The following SEMA6D variants were observed in gnomAD, a reference collection of about 807,000 sequenced individuals.
The protein encoded by SEMA6D is semaphorin-6D.
In SEMA6D, 35 loss-of-function variants were observed where a neutral mutation model predicts 106.6. The observed-to-expected ratio is 0.33, with a 90% confidence interval of 0.25 to 0.44. SEMA6D has a LOEUF of 0.44. Ranked by LOEUF, SEMA6D falls within the 20% of genes least tolerant of loss-of-function variation. The probability of loss-of-function intolerance (pLI) is 1.00; values close to 1 mark genes in which losing one functional copy is unlikely to be tolerated. For missense variants in SEMA6D, 1,185 were observed against 1,345.9 expected (o/e 0.88, Z 1.87); for synonymous variants, 499 against 487.7 (o/e 1.02, Z -0.31).
intron 2 of SEMA6D, among the ~76,000 whole-genome samples, chr15:47,466,647 TTAA>T (rs1484585308): frequency 1.3e-5 from 2 of 152,096 alleles, no homozygotes; most frequent in Non-Finnish European, 2.9e-5. Context: ...TAATGTATCA[TTAA>T]TAATTTCATT....
At chr15:47,580,163 C>A (rs1254703302) in intron 3 of SEMA6D, among the ~76,000 whole-genome samples, 1 of 152,200 alleles carries the variant, frequency 6.6e-6, no homozygotes, top group African/African-American at 2.4e-5. Flanking sequence ...CTGAGACACA[C>A]TTATATGGAG....
At chr15:47,441,841 A>G (rs2041893239) in intron 2 of SEMA6D, among the ~76,000 whole-genome samples, 1 of 152,094 alleles carries the variant, frequency 6.6e-6, no homozygotes, top group African/African-American at 2.4e-5. Flanking sequence ...TATTTGGGTC[A>G]GGATGGATGG....
rs1296181813 is a variant in SEMA6D at position 47,474,646 on chromosome 15, G to A, written c.-87+4101G>A. 3.9e-5 allele frequency among the ~76,000 whole-genome samples: 6 copies of A among 152,168 alleles called. No individual in the cohort carries two copies. The East Asian group carries it at 1.2e-3, about 29-fold the overall frequency. On this transcript the variant is annotated intron_variant, in intron 3 of 19. Transcript: ENST00000558014. ...TTAAAGCCATTTAACACCTACGCAA[G>A]TTGCTACATGCAAAGAGGCACTAAG... is the stretch of plus-strand genomic sequence containing the variant.
intron 4 of SEMA6D, among the ~76,000 whole-genome samples, chr15:47,625,589 G>A (rs1448275788): frequency 1.3e-5 from 2 of 151,984 alleles, no homozygotes; most frequent in African/African-American, 2.4e-5. Flanking sequence ...AAAAAAATTA[G>A]CCAGGCATGG....
intron 2 of SEMA6D, among the ~76,000 whole-genome samples, chr15:47,447,544 A>G (rs1481758911): frequency 2.6e-5 from 4 of 152,086 alleles, no homozygotes; most frequent in Non-Finnish European, 4.4e-5. Context: ...GCACACCCCA[A>G]CTCCACAGGG....
intron 3 of SEMA6D, among the ~76,000 whole-genome samples, chr15:47,594,164 C>A (rs1566918849): frequency 6.6e-6 from 1 of 152,180 alleles, no homozygotes; most frequent in Non-Finnish European, 1.5e-5. Flanking sequence ...ATATTTGTTT[C>A]TCTACAGAAC....
At chr15:47,267,077 T>C (rs1162269960) in intron 1 of SEMA6D, among the ~76,000 whole-genome samples, 1 of 152,146 alleles carries the variant, frequency 6.6e-6, no homozygotes, top group Non-Finnish European at 1.5e-5. Context: ...TTCATTTTGC[T>C]TTACGCCTTG....
chr15:47,685,908 G>A (rs1365824997), intron 4 of SEMA6D, among the ~76,000 whole-genome samples: 1 of 152,176 alleles, frequency 6.6e-6, no homozygotes, highest in Non-Finnish European at 1.5e-5. Flanking sequence ...AACATTGCCT[G>A]ATTAAAAGAT....
chr15:47,566,920 G>T (rs1449824717), intron 3 of SEMA6D, among the ~76,000 whole-genome samples: 1 of 152,216 alleles, frequency 6.6e-6, no homozygotes, highest in East Asian at 1.9e-4. Flanking sequence ...AAACAAGAGG[G>T]TGTTACAGAG....
intron 1 of SEMA6D, among the ~76,000 whole-genome samples, chr15:47,375,668 A>G (rs184338290): frequency 1.3e-4 from 20 of 152,318 alleles, no homozygotes; most frequent in Non-Finnish European, 5.9e-5. Flanking sequence ...TTACAATTCT[A>G]ATTCTTATAA....
upstream of SEMA6D, among the ~76,000 whole-genome samples, chr15:47,716,056 C>T (rs1567011027): frequency 6.6e-6 from 1 of 152,086 alleles, no homozygotes; most frequent in Non-Finnish European, 1.5e-5. Context: ...TGTCAGAGCC[C>T]AGCACAACCA....
chr15:47,374,191 G>A (rs937988186), intron 1 of SEMA6D, among the ~76,000 whole-genome samples: 4 of 152,180 alleles, frequency 2.6e-5, no homozygotes, highest in Middle Eastern at 3.2e-3. Context: ...AATGGAAAGA[G>A]TATTAAGCTA....
At chr15:47,527,879 T>C (rs1283553673) in intron 3 of SEMA6D, 1 of 152,210 alleles carries the variant, frequency 6.6e-6, no homozygotes, top group Non-Finnish European at 1.5e-5. Flanking sequence ...TTTCAAGATA[T>C]TGCATGTCAG....
At chr15:47,629,294 T>C (rs2077254707) in intron 4 of SEMA6D, among the ~76,000 whole-genome samples, 1 of 151,466 alleles carries the variant, frequency 6.6e-6, no homozygotes, top group East Asian at 1.9e-4. Context: ...AGAGTAAGCT[T>C]ATCTATGACT....
At chr15:47,527,166 T>G (rs1283981204) in intron 3 of SEMA6D, among the ~76,000 whole-genome samples, 1 of 152,218 alleles carries the variant, frequency 6.6e-6, no homozygotes, top group Non-Finnish European at 1.5e-5. Context: ...AACTGCACTT[T>G]TCTAATAAAA....
chr15:47,639,926 C>G (rs1261942759), intron 4 of SEMA6D, among the ~76,000 whole-genome samples: 1 of 152,108 alleles, frequency 6.6e-6, no homozygotes, highest in African/African-American at 2.4e-5. Context: ...TTTTCTGGAT[C>G]GGATCCTGGA....
At chr15:47,342,709 T>C (rs1322016699) in intron 1 of SEMA6D, among the ~76,000 whole-genome samples, 2 of 152,062 alleles carry the variant, frequency 1.3e-5, no homozygotes, top group African/African-American at 4.8e-5. Context: ...TCGCTCAAAT[T>C]ACTATTTTTT....
chr15:47,438,588 T>G lies in SEMA6D; in HGVS notation c.-159+26116T>G, dbSNP rs139513843. On this transcript the variant is annotated intron_variant, in intron 2 of 19. Transcript: ENST00000558014. ...TCCTTCTTGTTCCTGAAACCCACCT[T>G]ACATGGCTTCTGCCCCAGGATCTTG... 4.6e-5 allele frequency among the ~76,000 whole-genome samples: 7 copies of G among 152,076 alleles called. No individual in the cohort carries two copies. In the East Asian group the frequency reaches 1.4e-3, roughly 30 times the overall value.
intron 1 of SEMA6D, among the ~76,000 whole-genome samples, chr15:47,747,017 G>A (rs1474704451): frequency 9.1e-6 from 1 of 110,154 alleles, no homozygotes; most frequent in African/African-American, 2.7e-5. Context: ...GATTGTAGAA[G>A]GTTCCTTGTG....
Sources: gnomAD v4.1 joint callset for allele counts (sites outside exome capture counted in the v4.1 genomes callset) on GRCh38, gnomAD v4.1.1 for gene constraint, MANE v1.5 for transcripts, NCBI Gene and HGNC (gene_info 2026-07-23, HGNC 2026-07-21) for gene names.